PSTPIP2: variants seen among roughly 807,000 people sequenced by gnomAD.
PSTPIP2 encodes proline-serine-threonine phosphatase interacting protein 2, also known as proline-serine-threonine phosphatase-interacting protein 2.
PSTPIP2 carries 33 observed loss-of-function variants against 63.3 expected under a neutral mutation model. That is an observed-to-expected ratio of 0.52 (90% CI 0.40 to 0.70). The LOEUF is 0.70. PSTPIP2 is among the 30% of genes least tolerant of loss of function. The probability of loss-of-function intolerance (pLI) is 0.00; values close to 1 mark genes in which losing one functional copy is unlikely to be tolerated. For missense variants in PSTPIP2, 312 were observed against 400.7 expected (o/e 0.78, Z 1.89); for synonymous variants, 125 against 132.7 (o/e 0.94, Z 0.40).
chr18:46,030,951 T>G (rs1212598926), intron 2 of PSTPIP2, among the ~76,000 whole-genome samples: 1 of 152,236 alleles, frequency 6.6e-6, no homozygotes, highest in East Asian at 1.9e-4. Flanking sequence ...GAAGAATTCT[T>G]TATTTAATTC....
chr18:46,012,371 C>G (rs34180217), intron 4 of PSTPIP2, among the ~76,000 whole-genome samples: 1 of 151,952 alleles, frequency 6.6e-6, no homozygotes, highest in Admixed American at 6.5e-5. Flanking sequence ...TGAATTGAAA[C>G]GAAAAGCTGT....
At chr18:45,990,794 C>A in intron 12 of PSTPIP2, 38 bp from the exon 13 acceptor site, 1 of 1,517,578 alleles carries the variant, frequency 6.6e-7, no homozygotes, top group Non-Finnish European at 9.1e-7. Flanking sequence ...TAGATAAGTT[C>A]TTGTTATTTT....
chr18:46,063,688 C>T (rs1432953782), intron 1 of PSTPIP2, among the ~76,000 whole-genome samples: 3 of 151,848 alleles, frequency 2.0e-5, no homozygotes, highest in Admixed American at 1.3e-4. Context: ...TATAAATTTA[C>T]AAGCAAAGCA....
chr18:45,995,349 C>T (rs772084091), intron 9 of PSTPIP2, among the ~76,000 whole-genome samples: 2 of 152,090 alleles, frequency 1.3e-5, no homozygotes, highest in Non-Finnish European at 2.9e-5. Context: ...GCAATCCACC[C>T]GCATCAGCCT....
At chr18:46,016,170 C>A (rs1355583142) in intron 3 of PSTPIP2, 2 of 511,762 alleles carry the variant, frequency 3.9e-6, no homozygotes, top group Non-Finnish European at 7.1e-6. Flanking sequence ...CATGCCAAAA[C>A]TCTTTGTGTT....
intron 3 of PSTPIP2, among the ~76,000 whole-genome samples, chr18:46,016,480 A>G (rs371341749): frequency 1.4e-4 from 22 of 152,332 alleles, no homozygotes; most frequent in African/African-American, 5.3e-4. Context: ...TTAGTCAATA[A>G]TCATATATTT....
chr18:46,072,129 C>T (rs1415797219), intron 1 of PSTPIP2, 27 bp downstream of exon 1: 5 of 1,527,664 alleles, frequency 3.3e-6, no homozygotes, highest in Non-Finnish European at 4.4e-6. Context: ...CTGAGCCCCG[C>T]GATCCGCTGT....
chr18:45,992,223 A>G, intron 10 of PSTPIP2, 21 bp from the exon 11 acceptor site: 1 of 1,543,588 alleles, frequency 6.5e-7, no homozygotes, highest in Non-Finnish European at 8.8e-7. Context: ...AAGGTCAATT[A>G]ATAGGTAGAG....
At chr18:46,051,415 C>G (rs1196454534) in intron 1 of PSTPIP2, among the ~76,000 whole-genome samples, 8 of 151,896 alleles carry the variant, frequency 5.3e-5, no homozygotes, top group African/African-American at 1.9e-4. Context: ...GTGGAGGTTG[C>G]AGTGAGCCAA....
chr18:46,028,297 C>T (rs1184679287), intron 2 of PSTPIP2: 2 of 457,648 alleles, frequency 4.4e-6, no homozygotes, highest in Non-Finnish European at 8.6e-6. Context: ...GAAGCGTTAG[C>T]CCGGAACGAG....
At chr18:46,014,231 A>G (rs2051830644) in intron 4 of PSTPIP2, among the ~76,000 whole-genome samples, 2 of 152,098 alleles carry the variant, frequency 1.3e-5, no homozygotes, top group African/African-American at 4.8e-5. Flanking sequence ...CATGTTGGCC[A>G]GACTAGTCTT....
rs1486000025 is a variant in PSTPIP2, at chr18:46,067,560, CCTAA to C, written c.33+4592_33+4595del. On this transcript the variant is annotated intron_variant, in intron 1 of 14. Coordinates refer to ENST00000409746, the MANE Select transcript of PSTPIP2 (RefSeq NM_024430.4). ...TGCCTCCATAAATAGCAAGCCACAA[CCTAA>C]CTTAGTGTGTAAACAAACCGTAACC... Among the ~76,000 whole-genome samples the C allele has an allele frequency of 1.5e-4, 23 of 151,010 alleles. No individual in the cohort carries two copies. The East Asian group carries it at 4.5e-3, about 29-fold the overall frequency.
intron 5 of PSTPIP2, 23 bp downstream of exon 5, chr18:46,011,158 C>T: frequency 6.3e-7 from 1 of 1,582,806 alleles, no homozygotes; most frequent in Non-Finnish European, 8.7e-7. Flanking sequence ...AAGGAAACAC[C>T]TTAACACGTA....
chr18:46,047,430 A>T (rs774022470), intron 1 of PSTPIP2, among the ~76,000 whole-genome samples: 1 of 152,142 alleles, frequency 6.6e-6, no homozygotes, highest in Non-Finnish European at 1.5e-5. Context: ...AAAATTAGCC[A>T]GGCATGGTGG....
chr18:46,049,707 C>T (rs1332072420), intron 1 of PSTPIP2, among the ~76,000 whole-genome samples: 1 of 152,080 alleles, frequency 6.6e-6, no homozygotes. Flanking sequence ...TGGCGAAACC[C>T]CGTCTCTGCT....
intron 9 of PSTPIP2, 196 bp from the exon 10 acceptor site, chr18:45,993,899 G>A: frequency 1.8e-6 from 1 of 567,278 alleles, no homozygotes; most frequent in East Asian, 3.1e-5. Context: ...TAATATCACA[G>A]TAACACAAAC....
chr18:46,038,623 T>C (rs1908071053), intron 2 of PSTPIP2, among the ~76,000 whole-genome samples: 1 of 152,182 alleles, frequency 6.6e-6, no homozygotes, highest in Non-Finnish European at 1.5e-5. Flanking sequence ...AGGCACACTT[T>C]TTAACTGGGT....
At chr18:46,010,982 T>TA in intron 5 of PSTPIP2, 199 bp downstream of exon 5, 1 of 530,306 alleles carries the variant, frequency 1.9e-6, no homozygotes, top group African/African-American at 1.9e-5. Context: ...ATGTGAACTT[T>TA]AAAAAAGGAC....
At chr18:46,028,783 G>GT in intron 2 of PSTPIP2, 1 of 1,220,038 alleles carries the variant, frequency 8.2e-7, no homozygotes, top group South Asian at 1.2e-5. Context: ...CGTGGGAGGA[G>GT]TACCTGCCTG....
Sources: allele counts gnomAD v4.1 joint callset (sites outside exome capture counted in the v4.1 genomes callset), GRCh38; gene constraint gnomAD v4.1.1; transcripts MANE v1.5; gene names NCBI Gene and HGNC (gene_info 2026-07-23, HGNC 2026-07-21).